TRMT11: variants seen among roughly 807,000 people sequenced by gnomAD.
The protein encoded by TRMT11 is tRNA methyltransferase 11.
A neutral mutation model predicts 62.8 loss-of-function variants in TRMT11; 53 were observed. The observed-to-expected ratio is 0.84, with a 90% CI of 0.68 to 1.06. The LOEUF is 1.06. Among genes scored for constraint, TRMT11 ranks in the 50% least tolerant of loss-of-function variants. The pLI is 0.00. For synonymous variants in TRMT11, 188 were observed against 190.3 expected (o/e 0.99, Z 0.10); for missense variants, 556 against 553.4 (o/e 1.00, Z -0.05).
At chr6:126,224,265 TG>T in the TRMT11 span, among the ~76,000 whole-genome samples, 2 of 152,258 alleles carry the variant, frequency 1.3e-5, no homozygotes, top group Non-Finnish European at 2.9e-5. Context: ...TTCATCGTTG[TG>T]GGTTGATGAG....
intron 17 of TRMT11, among the ~76,000 whole-genome samples, chr6:126,110,247 C>T (rs1213041378): frequency 1.3e-5 from 2 of 152,092 alleles, no homozygotes; most frequent in Non-Finnish European, 2.9e-5. Context: ...GGTTATTCTT[C>T]AACTATACAT....
intron 17 of TRMT11, among the ~76,000 whole-genome samples, chr6:126,079,299 A>G (rs1173702014): frequency 6.6e-6 from 1 of 152,150 alleles, no homozygotes; most frequent in Non-Finnish European, 1.5e-5. Context: ...AACTTCTGCA[A>G]ATTTAACACC....
chr6:126,048,778 G>C (rs1349321961), intron 16 of TRMT11, among the ~76,000 whole-genome samples: 1 of 152,146 alleles, frequency 6.6e-6, no homozygotes, highest in African/African-American at 2.4e-5. Flanking sequence ...ACACTGCATG[G>C]GGTGTTGTCT....
chr6:126,083,538 A>T (rs1029472254), intron 17 of TRMT11, among the ~76,000 whole-genome samples: 2 of 152,172 alleles, frequency 1.3e-5, no homozygotes, highest in African/African-American at 4.8e-5. Flanking sequence ...ATGTTATGGG[A>T]TACATATAGA....
chr6:126,015,188 A>G (rs931065397), intron 11 of TRMT11, among the ~76,000 whole-genome samples: 1 of 152,124 alleles, frequency 6.6e-6, no homozygotes, highest in South Asian at 2.1e-4. Flanking sequence ...CAATATTAAC[A>G]TATATCTACC....
intron 7 of TRMT11, among the ~76,000 whole-genome samples, chr6:126,002,945 T>C (rs895665873): frequency 2.0e-5 from 3 of 152,156 alleles, no homozygotes; most frequent in Non-Finnish European, 2.9e-5. Context: ...TTTGCTTTTT[T>C]CACTTAATGG....
intron 17 of TRMT11, among the ~76,000 whole-genome samples, chr6:126,055,912 T>G (rs890008926): frequency 6.6e-6 from 1 of 151,840 alleles, no homozygotes; most frequent in East Asian, 1.9e-4. Flanking sequence ...GTTTCCCTCT[T>G]TCTTCTTCTC....
At chr6:126,215,535 T>G in the TRMT11 span, among the ~76,000 whole-genome samples, 1 of 152,056 alleles carries the variant, frequency 6.6e-6, no homozygotes, top group Non-Finnish European at 1.5e-5. Flanking sequence ...TCTATTTGCA[T>G]AGAAGATCTT....
intron 21 of TRMT11, among the ~76,000 whole-genome samples, chr6:126,151,307 C>T (rs1394856070): frequency 6.6e-6 from 1 of 152,084 alleles, no homozygotes; most frequent in East Asian, 1.9e-4. Context: ...ATGTTACTTG[C>T]TTAAGTTCCC....
chr6:126,100,939 C>T (rs186561423), intron 17 of TRMT11, among the ~76,000 whole-genome samples: 1 of 152,124 alleles, frequency 6.6e-6, no homozygotes, highest in African/African-American at 2.4e-5. Flanking sequence ...TCATAAGGAG[C>T]ATGCAACCTA....
intron 21 of TRMT11, among the ~76,000 whole-genome samples, chr6:126,138,276 A>T (rs1426010484): frequency 1.3e-5 from 2 of 151,958 alleles, no homozygotes; most frequent in African/African-American, 4.8e-5. Flanking sequence ...GTGTGTTATG[A>T]ATAGCTGAAT....
At position 126,191,382 on chromosome 6, in the gene TRMT11, C is replaced by T. The variant is rs190133953; in HGVS notation, n.144-7417C>T. Among the ~76,000 whole-genome samples the T allele has an allele frequency of 4.0e-4, 61 of 151,290 alleles. 1 individual carries two copies. Among genetic ancestry groups the T allele is most frequent in the East Asian group, 3.9e-4 (2 of 5,152 alleles). ...ATAGCTAGCTTACAAACATTTTCTC[C>T]GATTCTATAAGCTATCTCTTCATTA... On this transcript the variant is annotated intron_variant and non_coding_transcript_variant, in intron 1 of 3. Transcript: ENST00000444229.
intron 21 of TRMT11, among the ~76,000 whole-genome samples, chr6:126,158,300 G>T (rs997899799): frequency 1.3e-5 from 2 of 152,140 alleles, no homozygotes; most frequent in Non-Finnish European, 2.9e-5. Flanking sequence ...GACCTGTAAA[G>T]TTTCCCATGG....
upstream of TRMT11, among the ~76,000 whole-genome samples, chr6:126,175,214 T>C (rs772555334): frequency 9.9e-5 from 15 of 152,196 alleles, no homozygotes; most frequent in African/African-American, 1.7e-4. Flanking sequence ...TGGAGGGGCT[T>C]AGCAATAGAT....
intron 12 of TRMT11, among the ~76,000 whole-genome samples, chr6:126,027,137 A>G (rs1168934228): frequency 6.6e-6 from 1 of 152,118 alleles, no homozygotes; most frequent in African/African-American, 2.4e-5. Flanking sequence ...TGTCCCACTT[A>G]ACACAACGTG....
chr6:126,048,993 A>G (rs1375263490), intron 16 of TRMT11, among the ~76,000 whole-genome samples: 2 of 152,222 alleles, frequency 1.3e-5, no homozygotes, highest in African/African-American at 2.4e-5. Flanking sequence ...TATGACAATG[A>G]TACGCCTTTT....
At chr6:126,132,322 G>T (rs1234841094) in intron 21 of TRMT11, among the ~76,000 whole-genome samples, 1 of 151,978 alleles carries the variant, frequency 6.6e-6, no homozygotes, top group Non-Finnish European at 1.5e-5. Context: ...GAATTGTTCA[G>T]TTGCTTTTGC....
chr6:126,127,813 T>C (rs1230896856), intron 21 of TRMT11, among the ~76,000 whole-genome samples: 2 of 151,960 alleles, frequency 1.3e-5, no homozygotes, highest in East Asian at 3.9e-4. Context: ...GAGAATAGTC[T>C]GGACCTCTAT....
At chr6:126,134,514 C>G (rs1396634356) in intron 21 of TRMT11, among the ~76,000 whole-genome samples, 1 of 151,796 alleles carries the variant, frequency 6.6e-6, no homozygotes, top group Non-Finnish European at 1.5e-5. Flanking sequence ...ATTAATAGAT[C>G]TAAAGAGAAA....
Sources: allele counts gnomAD v4.1 joint callset (sites outside exome capture counted in the v4.1 genomes callset), GRCh38; gene constraint gnomAD v4.1.1; transcripts MANE v1.5; gene names NCBI Gene and HGNC (gene_info 2026-07-23, HGNC 2026-07-21).